BTBD1: variants seen among roughly 807,000 people sequenced by gnomAD.
BTBD1 encodes the protein BTB/POZ domain-containing protein 1.
BTBD1 carries 34 observed loss-of-function variants against 48.0 expected under a neutral mutation model. The ratio of observed to expected loss-of-function variants is 0.71; its 90% confidence interval spans 0.54 to 0.94. The LOEUF is 0.94. Among genes scored for constraint, BTBD1 ranks in the 40% least tolerant of loss-of-function variants. The probability of loss-of-function intolerance (pLI) is 0.00; values close to 1 mark genes in which losing one functional copy is unlikely to be tolerated. For synonymous variants in BTBD1, 261 were observed against 242.1 expected (o/e 1.08, Z -0.72); for missense variants, 543 against 625.6 (o/e 0.87, Z 1.41).
intron 6 of BTBD1, chr15:83,020,226 G>C (rs746745360): frequency 1.3e-5 from 2 of 154,142 alleles, no homozygotes; most frequent in African/African-American, 2.4e-5. Context: ...AGCTGTGATC[G>C]CACCACTGCT....
At chr15:83,045,255 G>A (rs1267418337) in intron 3 of BTBD1, among the ~76,000 whole-genome samples, 1 of 152,142 alleles carries the variant, frequency 6.6e-6, no homozygotes, top group Non-Finnish European at 1.5e-5. Context: ...CAGCACTTTG[G>A]GAGGCCGAGG....
chr15:83,025,019 T>C (rs2032374885), intron 5 of BTBD1, among the ~76,000 whole-genome samples: 1 of 152,168 alleles, frequency 6.6e-6, no homozygotes, highest in Non-Finnish European at 1.5e-5. Flanking sequence ...TGTATTACTC[T>C]TATTAAAAGA....
chr15:83,042,254 A>T (rs1315467204), intron 3 of BTBD1, among the ~76,000 whole-genome samples: 2 of 150,868 alleles, frequency 1.3e-5, no homozygotes, highest in African/African-American at 4.9e-5. Flanking sequence ...GGTTCCAATT[A>T]CATAAATTCT....
At chr15:83,063,135 TTTCTC>T (rs1477393860) in intron 1 of BTBD1, among the ~76,000 whole-genome samples, 1 of 152,212 alleles carries the variant, frequency 6.6e-6, no homozygotes, top group Non-Finnish European at 1.5e-5. Context: ...ATGCTCCTTC[TTTCTC>T]TTCTAATTCC....
At chr15:83,059,714 C>G (rs2033146761) in intron 1 of BTBD1, among the ~76,000 whole-genome samples, 1 of 152,196 alleles carries the variant, frequency 6.6e-6, no homozygotes, top group African/African-American at 2.4e-5. Context: ...TCCAGAGTAA[C>G]TAACACTACA....
At chr15:83,027,275 C>T (rs1327176968) in intron 5 of BTBD1, among the ~76,000 whole-genome samples, 1 of 152,232 alleles carries the variant, frequency 6.6e-6, no homozygotes, top group African/African-American at 2.4e-5. Context: ...TCGCTTGAAC[C>T]TGGGAGGTGG....
At chr15:83,058,732 G>A (rs904892077) in intron 1 of BTBD1, among the ~76,000 whole-genome samples, 1 of 152,132 alleles carries the variant, frequency 6.6e-6, no homozygotes, top group Non-Finnish European at 1.5e-5. Context: ...TTGTAAAACA[G>A]AGCAGCAATG....
At chr15:83,028,082 G>C (rs1596425894) in intron 5 of BTBD1, among the ~76,000 whole-genome samples, 1 of 152,110 alleles carries the variant, frequency 6.6e-6, no homozygotes, top group African/African-American at 2.4e-5. Context: ...TAAAAAAAGA[G>C]AGAACTGGGT....
chr15:83,063,800 A>G (rs1038013260), intron 1 of BTBD1, among the ~76,000 whole-genome samples: 5 of 152,184 alleles, frequency 3.3e-5, no homozygotes, highest in African/African-American at 9.7e-5. Flanking sequence ...GTGTTCCTCC[A>G]ACAGGAGATA....
At chr15:83,045,400 G>A (rs2032857412) in intron 3 of BTBD1, among the ~76,000 whole-genome samples, 1 of 152,022 alleles carries the variant, frequency 6.6e-6, no homozygotes, top group African/African-American at 2.4e-5. Flanking sequence ...GGGATGCTGG[G>A]GTCAGGAGAA....
At chr15:83,042,210 C>T (rs897295972) in intron 3 of BTBD1, among the ~76,000 whole-genome samples, 3 of 151,586 alleles carry the variant, frequency 2.0e-5, no homozygotes, top group African/African-American at 7.3e-5. Context: ...GTAAACTCAA[C>T]TATCCAGAAT....
intron 2 of BTBD1, among the ~76,000 whole-genome samples, chr15:83,055,696 T>C (rs527959644): frequency 3.9e-5 from 6 of 152,340 alleles, no homozygotes; most frequent in African/African-American, 1.4e-4. Context: ...GGTCCAAAGA[T>C]CGTTAATTTT....
At chr15:83,053,611 T>C (rs962798802) in intron 2 of BTBD1, among the ~76,000 whole-genome samples, 1 of 152,292 alleles carries the variant, frequency 6.6e-6, no homozygotes, top group African/African-American at 2.4e-5. Flanking sequence ...TAAGTGATCG[T>C]CTCTACATGC....
intron 2 of BTBD1, among the ~76,000 whole-genome samples, chr15:83,052,214 T>C (rs1029991672): frequency 1.3e-5 from 2 of 151,930 alleles, no homozygotes; most frequent in Admixed American, 6.6e-5. Context: ...GCCCAAAGTG[T>C]TGGGATTACA....
rs759552661 is a variant in BTBD1, at chr15:83,066,846, G to A, written c.306C>T (p.Ala102=). The A allele has an allele frequency of 9.6e-5, 139 of 1,447,548 alleles. No individual in the cohort carries two copies. The highest frequency in any genetic ancestry group is 1.2e-4 in the Non-Finnish European group (137 of 1,103,994). 89.7% of individuals were successfully genotyped at this position (1,447,548 alleles called of 1,614,324 possible). A position where few individuals can be genotyped will look rare whatever the true frequency, so the allele number is the denominator to read the frequency against. The change falls in exon 1 of 8, where the codon GCC becomes GCT. Residue 102 remains alanine (A), a synonymous_variant. Transcript: ENST00000261721. ...AHRFVLAAGS[A]VFDAMFNGGM... ...CGCCGTTGAACATGGCGTCAAAGAC[G>A]GCGCTGCCGGCCGCCAGCACGAAGC...
intron 3 of BTBD1, among the ~76,000 whole-genome samples, chr15:83,045,902 C>A (rs1032167961): frequency 6.6e-6 from 1 of 152,094 alleles, no homozygotes; most frequent in Non-Finnish European, 1.5e-5. Context: ...ATCATACTAC[C>A]CTTGGTGTAA....
intron 4 of BTBD1, among the ~76,000 whole-genome samples, chr15:83,037,407 A>G (rs915057521): frequency 1.5e-4 from 23 of 152,202 alleles, no homozygotes; most frequent in African/African-American, 5.1e-4. Context: ...ATACAATTCA[A>G]AACAATCATG....
At chr15:83,026,517 C>CTTTTTTTT (rs563990083) in intron 5 of BTBD1, among the ~76,000 whole-genome samples, 2 of 88,272 alleles carry the variant, frequency 2.3e-5, no homozygotes, top group Non-Finnish European at 4.1e-5. Flanking sequence ...TTTTTTAGTG[C>CTTTTTTTT]TTTTTTTTTT....
intron 1 of BTBD1, among the ~76,000 whole-genome samples, chr15:83,057,592 G>T (rs192989430): frequency 6.6e-6 from 1 of 152,260 alleles, no homozygotes; most frequent in East Asian, 1.9e-4. Flanking sequence ...AAATTTCTAA[G>T]AATGCTTGCT....
Sources: allele counts gnomAD v4.1 joint callset (sites outside exome capture counted in the v4.1 genomes callset), GRCh38; gene constraint gnomAD v4.1.1; transcripts MANE v1.5; gene names NCBI Gene and HGNC (gene_info 2026-07-23, HGNC 2026-07-21).